MSI1: variants seen among roughly 807,000 people sequenced by gnomAD.
MSI1 encodes musashi RNA binding protein 1.
In MSI1, 15 loss-of-function variants were observed where a neutral mutation model predicts 54.4. The ratio of observed to expected loss-of-function variants is 0.28; its 90% CI spans 0.18 to 0.42. The LOEUF is 0.42. MSI1 is among the 20% of genes least tolerant of loss of function. The pLI, the probability that MSI1 is intolerant of heterozygous loss-of-function variation, is 1.00. For synonymous variants in MSI1, 200 were observed against 196.5 expected (o/e 1.02, Z -0.15); for missense variants, 304 against 506.0 (o/e 0.60, Z 3.83).
At chr12:120,345,452 T>G in intron 14 of MSI1, 118 bp downstream of exon 14, 1 of 818,320 alleles carries the variant, frequency 1.2e-6, no homozygotes, top group Non-Finnish European at 2.0e-6. Flanking sequence ...TATAAAGATC[T>G]GTCTCCCCTG....
chr12:120,359,008 G>T lies in MSI1; in HGVS notation c.448C>A (p.Arg150=). The T allele has an allele frequency of 6.4e-7, 1 of 1,565,340 alleles. No individual in the cohort carries two copies. The highest frequency in any genetic ancestry group is 1.2e-5 in the South Asian group (1 of 84,924). Residue 150 remains arginine, a synonymous_variant, in exon 7 of 15, where the codon CGA becomes AGA. Coordinates refer to ENST00000257552, the MANE Select transcript of MSI1 (RefSeq NM_002442.4). ...LMFDKTTNRH[R]GFGFVTFESE... ...AGGGGGAGGGGGCCACACTCACCTCGGTGCCGGTTGGTGGTTTTGTCAAAC... is the reference window on the plus strand; with the variant it reads ...AGGGGGAGGGGGCCACACTCACCTCTGTGCCGGTTGGTGGTTTTGTCAAAC...
chr12:120,356,758 G>A (rs1875156403), intron 9 of MSI1, 144 bp downstream of exon 9: 7 of 754,212 alleles, frequency 9.3e-6, no homozygotes, highest in Admixed American at 4.7e-5. Context: ...TGCCAGACCC[G>A]ACAGATCCCT....
chr12:120,368,400 C>A lies in MSI1; in HGVS notation c.101-127G>T. On this transcript the variant is annotated intron_variant, in intron 2 of 14. Coordinates refer to ENST00000257552, the MANE Select transcript of MSI1 (RefSeq NM_002442.4). The surrounding 1 kb of genome is among the most constrained non-coding windows in gnomAD (Gnocchi z 6.6). ...CGCCAAGCTGCCCGCGCGTTCTCCA[C>A]TGCCGCCGCCCCCCACCGCCCTCGC... The A allele has an allele frequency of 1.0e-6, 1 of 965,526 alleles. No individual in the cohort carries two copies. Among genetic ancestry groups the A allele is most frequent in the Non-Finnish European group, 1.5e-6 (1 of 687,450 alleles). The allele number at this position is 965,526 out of a possible 1,614,324, so 59.8% of individuals were successfully genotyped here.
At chr12:120,347,593 G>T in intron 11 of MSI1, 79 bp from the exon 12 acceptor site, 2 of 1,571,670 alleles carry the variant, frequency 1.3e-6, no homozygotes, top group Non-Finnish European at 1.7e-6. Flanking sequence ...CTTTTAGGCA[G>T]AGCCTGTCCA....
chr12:120,357,331 C>A (rs1053955595), intron 8 of MSI1, among the ~76,000 whole-genome samples: 1 of 152,164 alleles, frequency 6.6e-6, no homozygotes, highest in Non-Finnish European at 1.5e-5. Context: ...CCGTGTGACA[C>A]TGCCTCCCTG....
Position 120,347,430 on chromosome 12 carries a change from C to T in MSI1, c.859+16G>A, listed in dbSNP as rs763907350. ...GTGCTCCCTCATCTCTCTTCCTGCA[C>T]CTCAGAAGAGCTCACCTGTCCCTCG... On this transcript the variant is annotated intron_variant, in intron 12 of 14. Coordinates refer to ENST00000257552, the MANE Select transcript of MSI1 (RefSeq NM_002442.4). 6.2e-7 allele frequency: 1 copy of T among 1,613,972 alleles called. No individual in the cohort carries two copies. Among genetic ancestry groups the T allele is most frequent in the East Asian group, 2.2e-5 (1 of 44,882 alleles).
intron 14 of MSI1, among the ~76,000 whole-genome samples, chr12:120,343,867 T>A (rs1873895701): frequency 6.6e-6 from 1 of 152,110 alleles, no homozygotes; most frequent in African/African-American, 2.4e-5. Flanking sequence ...TGTTGTTTTT[T>A]GTTTGTTGAG....
intron 5 of MSI1, among the ~76,000 whole-genome samples, chr12:120,364,245 C>T (rs1875877223): frequency 6.6e-6 from 1 of 152,172 alleles, no homozygotes; most frequent in South Asian, 2.1e-4. Context: ...TGAAAGACAA[C>T]AGGTGACAGA....
rs111550733 is a variant in MSI1, at chr12:120,364,759, C to T, written c.268-4G>A. ...GGAAGGCCACCTTAGGGTCAATCTACAAGAAAAGGGAGAGGTAGAAGGGGT... is the reference window on the plus strand; with the variant it reads ...GGAAGGCCACCTTAGGGTCAATCTATAAGAAAAGGGAGAGGTAGAAGGGGT... On this transcript the variant is annotated splice_region_variant and splice_polypyrimidine_tract_variant and intron_variant, in intron 4 of 14. Transcript: ENST00000257552. The T allele has an allele frequency of 6.3e-7, 1 of 1,599,344 alleles. No individual in the cohort carries two copies. The highest frequency in any genetic ancestry group is 8.5e-7 in the Non-Finnish European group (1 of 1,173,164).
Position 120,356,940 on chromosome 12 carries a change from T to C in MSI1, c.614A>G (p.Tyr205Cys). The C allele has an allele frequency of 2.5e-6, 4 of 1,614,196 alleles. No homozygotes were observed. The highest frequency in any genetic ancestry group is 2.2e-5 in the South Asian group (2 of 91,088). The change falls in exon 9 of 15, where the codon TAC becomes TGC. Residue 205 changes from tyrosine (Y) to cysteine (C), a missense_variant. Transcript: ENST00000257552. Reference protein sequence around the residue: ...SARGRSRVMPYGMDAFMLGIG... With the variant: ...SARGRSRVMPCGMDAFMLGIG... Reference sequence around the variant, plus strand: ...GCCCAGCATGAAGGCGTCCATTCCGTAGGGCATGACTCGAGACCTCCCCCG... The same window carrying C: ...GCCCAGCATGAAGGCGTCCATTCCGCAGGGCATGACTCGAGACCTCCCCCG...
intron 5 of MSI1, 143 bp downstream of exon 5, chr12:120,364,571 T>G: frequency 1.4e-6 from 1 of 736,132 alleles, no homozygotes. Context: ...ACGTCAAGAA[T>G]CCCCTCTTCC....
intron 10 of MSI1, 118 bp from the exon 11 acceptor site, chr12:120,351,518 C>A (rs1874595248): frequency 2.3e-6 from 2 of 855,240 alleles, no homozygotes; most frequent in East Asian, 5.4e-5. Flanking sequence ...TGCACAGGAC[C>A]CAAGAGCTGG....
Position 120,344,003 on chromosome 12 carries a change from C to T in MSI1, c.*22-898G>A, listed in dbSNP as rs59871207. Among the ~76,000 whole-genome samples the T allele has an allele frequency of 1.3e-4, 20 of 152,198 alleles. No homozygotes were observed. In the East Asian group the frequency reaches 1.5e-3, roughly 12 times the overall value. ...TCCCGAGTAGCTGAGATTACAAGTG[C>T]GCACCATCACGCCAGCCAAGTTTTG... On this transcript the variant is annotated intron_variant, in intron 14 of 14. Coordinates refer to ENST00000257552, the MANE Select transcript of MSI1 (RefSeq NM_002442.4).
chr12:120,358,783 G>A (rs1464945564), intron 7 of MSI1, among the ~76,000 whole-genome samples: 2 of 152,024 alleles, frequency 1.3e-5, no homozygotes, highest in African/African-American at 2.4e-5. Context: ...GCAGGGACTG[G>A]GGGGGTGGGT....
chr12:120,346,053 A>C, intron 13 of MSI1, 82 bp downstream of exon 13: 1 of 1,261,608 alleles, frequency 7.9e-7, no homozygotes, highest in Non-Finnish European at 1.1e-6. Context: ...CCCAGAGACA[A>C]AGAAGTTCTC....
At chr12:120,343,834 C>A (rs1291998821) in intron 14 of MSI1, among the ~76,000 whole-genome samples, 1 of 152,044 alleles carries the variant, frequency 6.6e-6, no homozygotes, top group Non-Finnish European at 1.5e-5. Flanking sequence ...GCCGTGTACA[C>A]AGTCCCACAA....
chr12:120,349,030 C>A (rs886422955), intron 11 of MSI1, among the ~76,000 whole-genome samples: 1 of 151,882 alleles, frequency 6.6e-6, no homozygotes, highest in Non-Finnish European at 1.5e-5. Context: ...TGAGCCACAA[C>A]ACCCAGCCCA....
rs11065094 is a variant in MSI1 at position 120,368,903 on chromosome 12, C to G, written c.60-30G>C. The G allele has an allele frequency of 0.16, 217,900 of 1,386,504 alleles. 17,623 individuals carry two copies. The highest frequency in any genetic ancestry group is 0.18 in the African/African-American group (11,674 of 66,208). The allele number at this position is 1,386,504 out of a possible 1,614,324, so 85.9% of individuals were successfully genotyped here. ...GGGAGGAGGAGAGACACAAAGGGCC[C>G]GCGTGAGCGCCGGGCGCCAGGGCGC... is the stretch of plus-strand genomic sequence containing the variant. On this transcript the variant is annotated intron_variant, in intron 1 of 14. Transcript: ENST00000257552. The surrounding 1 kb of genome is among the most constrained non-coding windows in gnomAD (Gnocchi z 6.6).
At chr12:120,344,908 C>T (rs578045406) in intron 14 of MSI1, among the ~76,000 whole-genome samples, 1 of 150,900 alleles carries the variant, frequency 6.6e-6, no homozygotes, top group East Asian at 2.0e-4. Context: ...CCCAGCTACT[C>T]GGGAGGCTGA....
Sources: gnomAD v4.1 joint callset for allele counts (sites outside exome capture counted in the v4.1 genomes callset) on GRCh38, gnomAD v4.1.1 for gene constraint, Gnocchi (gnomAD v3.1) non-coding constraint, MANE v1.5 for transcripts, NCBI Gene and HGNC (gene_info 2026-07-23, HGNC 2026-07-21) for gene names.